ZNF362: variants seen among roughly 807,000 people sequenced by gnomAD.
ZNF362 encodes the protein zinc finger protein 362, also known as rotund homolog.
In ZNF362, 11 loss-of-function variants were observed where a neutral mutation model predicts 42.9. That is an observed-to-expected ratio of 0.26 (90% CI 0.16 to 0.42). The LOEUF is 0.42. ZNF362 is among the 20% of genes least tolerant of loss of function. ZNF362 has a pLI of 1.00. For missense variants in ZNF362, 362 were observed against 576.2 expected (o/e 0.63, Z 3.81); for synonymous variants, 255 against 257.3 (o/e 0.99, Z 0.09).
the ZNF362 span, among the ~76,000 whole-genome samples, chr1:33,205,643 G>T: frequency 6.6e-6 from 1 of 152,110 alleles, no homozygotes; most frequent in Admixed American, 6.5e-5. Flanking sequence ...GCCAGGTGTG[G>T]TATCTCACAC....
chr1:33,206,547 T>C, the ZNF362 span, among the ~76,000 whole-genome samples: 4 of 152,136 alleles, frequency 2.6e-5, no homozygotes, highest in African/African-American at 7.2e-5. Flanking sequence ...TGCAGTGTGT[T>C]ATGATTGCAC....
the ZNF362 span, among the ~76,000 whole-genome samples, chr1:33,216,942 C>T: frequency 2.0e-5 from 3 of 151,488 alleles, no homozygotes; most frequent in East Asian, 2.0e-4. Flanking sequence ...AGAGGCGACG[C>T]GTGGGAGTAG....
rs1356228399 is a variant in ZNF362, at chr1:33,266,934, CAAG to C, written c.-88-3549_-88-3547del. On this transcript the variant is annotated intron_variant, in intron 1 of 8. Coordinates refer to ENST00000539719, the MANE Select transcript of ZNF362 (RefSeq NM_152493.3). The surrounding 1 kb of genome is among the most constrained non-coding windows in gnomAD (Gnocchi z 4.3). ...CTATACCCCAAAAGTGATGGGAATC[CAAG>C]AAGGATTTTAAGCGGTAGACTTAGC... Among the ~76,000 whole-genome samples the C allele has an allele frequency of 8.5e-5, 13 of 152,140 alleles. No individual in the cohort carries two copies. The highest frequency in any genetic ancestry group is 8.5e-4 in the Admixed American group (13 of 15,270).
the ZNF362 span, among the ~76,000 whole-genome samples, chr1:33,189,015 A>G: frequency 6.6e-6 from 1 of 152,130 alleles, no homozygotes; most frequent in South Asian, 2.1e-4. Context: ...TGAACTGTTC[A>G]CTACTGCCTG....
At chr1:33,255,812 C>T (rs940943392), upstream of ZNF362, among the ~76,000 whole-genome samples, 1 of 151,948 alleles carries the variant, frequency 6.6e-6, no homozygotes, top group African/African-American at 2.4e-5. Flanking sequence ...AGGTCGTTAT[C>T]AGGGGTGAGG....
Position 33,276,605 on chromosome 1 carries a change from C to A in ZNF362, c.349+11C>A, listed in dbSNP as rs747436122. 3.0e-6 allele frequency: 4 copies of A among 1,324,764 alleles called. No individual in the cohort carries two copies. The highest frequency in any genetic ancestry group is 3.8e-6 in the Non-Finnish European group (4 of 1,041,394). The allele number at this position is 1,324,764 out of a possible 1,614,324, so 82.1% of individuals were successfully genotyped here. On this transcript the variant is annotated intron_variant, in intron 4 of 8. Coordinates refer to ENST00000539719, the MANE Select transcript of ZNF362 (RefSeq NM_152493.3). ...CCAGCACCGTCACAGGTAGGCCGAG[C>A]GGGCGGGGCCGGCGGGGCCGGTGAG...
the ZNF362 span, among the ~76,000 whole-genome samples, chr1:33,174,181 C>T: frequency 6.6e-6 from 1 of 151,300 alleles, no homozygotes; most frequent in Admixed American, 6.6e-5. Context: ...TTCTGTTTTT[C>T]CTTTTTGGTT....
chr1:33,165,358 C>G, the ZNF362 span: 4 of 1,016,884 alleles, frequency 3.9e-6, no homozygotes, highest in Non-Finnish European at 5.6e-6. This position sits in a 1 kb window ranked among gnomAD's most constrained non-coding sequence, Gnocchi z 4.0. Context: ...CTCCTTGAAG[C>G]CAGGTTTCCA....
intron 6 of ZNF362, among the ~76,000 whole-genome samples, chr1:33,289,768 G>A (rs972000987): frequency 6.6e-6 from 1 of 152,194 alleles, no homozygotes; most frequent in African/African-American, 2.4e-5. Flanking sequence ...GGGTGATGGT[G>A]GGGAATGAGC....
intron 6 of ZNF362, among the ~76,000 whole-genome samples, chr1:33,289,175 A>G (rs1030244036): frequency 4.6e-5 from 7 of 152,180 alleles, no homozygotes; most frequent in African/African-American, 1.7e-4. Context: ...CTCCCCAGTC[A>G]GAGGAAGAAC....
intron 1 of ZNF362, among the ~76,000 whole-genome samples, chr1:33,267,721 A>G (rs1056455573): frequency 6.6e-6 from 1 of 152,230 alleles, no homozygotes; most frequent in African/African-American, 2.4e-5. Context: ...ATTAACGACC[A>G]TAGACTATGA....
chr1:33,209,405 C>T, the ZNF362 span, among the ~76,000 whole-genome samples: 1 of 152,172 alleles, frequency 6.6e-6, no homozygotes, highest in African/African-American at 2.4e-5. Context: ...GTGTCTCTGC[C>T]AGGCTTTGGT....
chr1:33,191,861 A>C, the ZNF362 span, among the ~76,000 whole-genome samples: 7 of 152,188 alleles, frequency 4.6e-5, no homozygotes, highest in Admixed American at 2.0e-4. Context: ...ATTTAACCCT[A>C]GTGATTGACC....
the ZNF362 span, among the ~76,000 whole-genome samples, chr1:33,133,489 C>T: frequency 1.3e-5 from 2 of 152,080 alleles, no homozygotes; most frequent in Non-Finnish European, 2.9e-5. Context: ...TGGGCTGGGG[C>T]AGGTGACCTG....
the ZNF362 span, chr1:33,164,331 G>A: frequency 1.3e-5 from 2 of 152,248 alleles, no homozygotes; most frequent in African/African-American, 4.8e-5. Flanking sequence ...GCATTCCTAA[G>A]GCTCTGCCGC....
chr1:33,248,828 C>T, the ZNF362 span, among the ~76,000 whole-genome samples: 1 of 152,218 alleles, frequency 6.6e-6, no homozygotes, highest in Admixed American at 6.5e-5. Context: ...GCTAGCTCTG[C>T]TCTTCAGAGT....
At chr1:33,147,096 G>A in the ZNF362 span, 6 of 1,497,642 alleles carry the variant, frequency 4.0e-6, no homozygotes, top group South Asian at 7.7e-5. The surrounding 1 kb of genome is among the most constrained non-coding windows in gnomAD (Gnocchi z 8.1). Flanking sequence ...CGGTGGGCTG[G>A]AGTCCAGGTC....
At chr1:33,256,419 TG>T, upstream of ZNF362, 1 of 140,320 alleles carries the variant, frequency 7.1e-6, no homozygotes, top group Non-Finnish European at 1.5e-5. Context: ...CCGAGCGCAC[TG>T]GGGGCCGCGC....
the ZNF362 span, chr1:33,160,001 GGT>G: frequency 6.4e-7 from 1 of 1,572,696 alleles, no homozygotes; most frequent in Non-Finnish European, 8.6e-7. Context: ...GTGATCTCTG[GGT>G]GAGAGGAGGA....
Sources: gnomAD v4.1 joint callset for allele counts (sites outside exome capture counted in the v4.1 genomes callset) on GRCh38, gnomAD v4.1.1 for gene constraint, Gnocchi (gnomAD v3.1) non-coding constraint, MANE v1.5 for transcripts, NCBI Gene and HGNC (gene_info 2026-07-23, HGNC 2026-07-21) for gene names.